The following KCNT2 variants were observed in gnomAD, a reference collection of about 807,000 sequenced individuals.
KCNT2 encodes the protein potassium sodium-activated channel subfamily T member 2.
KCNT2 carries 67 observed loss-of-function variants against 153.8 expected under a neutral mutation model. The ratio of observed to expected loss-of-function variants is 0.44; its 90% CI spans 0.36 to 0.53. The LOEUF (loss-of-function observed/expected upper bound fraction) is 0.53, where lower values mean the gene tolerates loss of function less well. Among genes scored for constraint, KCNT2 ranks in the 20% least tolerant of loss-of-function variants. The probability of loss-of-function intolerance (pLI) is 0.00; values close to 1 mark genes in which losing one functional copy is unlikely to be tolerated. For synonymous variants in KCNT2, 500 were observed against 458.8 expected (o/e 1.09, Z -1.15); for missense variants, 975 against 1,354.8 (o/e 0.72, Z 4.40).
chr1:196,273,134 T>A (rs1237509943), intron 25 of KCNT2, among the ~76,000 whole-genome samples: 1 of 151,826 alleles, frequency 6.6e-6, no homozygotes, highest in African/African-American at 2.4e-5. Context: ...TCTAAAAAGT[T>A]GAAAAGCAAA....
At chr1:196,315,497 C>T (rs1404333067) in intron 21 of KCNT2, among the ~76,000 whole-genome samples, 1 of 151,652 alleles carries the variant, frequency 6.6e-6, no homozygotes. Flanking sequence ...CTTACCTGTT[C>T]ACAGCTGTGC....
intron 24 of KCNT2, 51 bp from the exon 25 acceptor site, chr1:196,281,039 C>A (rs1395475250): frequency 7.2e-7 from 1 of 1,390,344 alleles, no homozygotes; most frequent in East Asian, 2.3e-5. Flanking sequence ...AAATAAAAAC[C>A]TAGTGGTAAC....
chr1:196,238,805 A>T (rs1401821990), intron 26 of KCNT2, among the ~76,000 whole-genome samples: 2 of 152,034 alleles, frequency 1.3e-5, no homozygotes, highest in Non-Finnish European at 2.9e-5. Flanking sequence ...TGCTGTGTAC[A>T]TGTACCCGAG....
intron 26 of KCNT2, chr1:196,257,649 T>C: frequency 1.0e-6 from 1 of 961,078 alleles, no homozygotes; most frequent in Non-Finnish European, 1.2e-6. Context: ...CAATTATGGA[T>C]CATATATAGG....
At chr1:196,514,345 T>G (rs1298387683) in intron 1 of KCNT2, among the ~76,000 whole-genome samples, 1 of 152,188 alleles carries the variant, frequency 6.6e-6, no homozygotes. Flanking sequence ...TTTCTAATTT[T>G]CAGTCATCCC....
At chr1:196,386,010 C>T (rs1046656130) in intron 13 of KCNT2, among the ~76,000 whole-genome samples, 3 of 152,078 alleles carry the variant, frequency 2.0e-5, no homozygotes, top group Non-Finnish European at 2.9e-5. Flanking sequence ...GGCATTGTGA[C>T]TTTGCCTTGC....
At chr1:196,281,825 C>T (rs961529850) in intron 24 of KCNT2, among the ~76,000 whole-genome samples, 12 of 150,868 alleles carry the variant, frequency 8.0e-5, no homozygotes, top group South Asian at 2.1e-4. Context: ...GGCGCGATCT[C>T]GGCTCACTGC....
chr1:196,247,282 A>G (rs1655541232), intron 26 of KCNT2, among the ~76,000 whole-genome samples: 1 of 152,206 alleles, frequency 6.6e-6, no homozygotes, highest in South Asian at 2.1e-4. Flanking sequence ...CAGATATACA[A>G]AGCAAATATT....
chr1:196,336,493 C>T (rs891661879), intron 16 of KCNT2, among the ~76,000 whole-genome samples: 2 of 152,096 alleles, frequency 1.3e-5, no homozygotes, highest in Non-Finnish European at 2.9e-5. Context: ...ATCTATTATA[C>T]AAACCCTCAA....
At chr1:196,318,433 A>G (rs1237448283) in intron 20 of KCNT2, among the ~76,000 whole-genome samples, 1 of 151,766 alleles carries the variant, frequency 6.6e-6, no homozygotes, top group Non-Finnish European at 1.5e-5. Context: ...TTCTCTCACC[A>G]TAAATACTTG....
At chr1:196,590,981 G>T (rs1291181668) in intron 1 of KCNT2, among the ~76,000 whole-genome samples, 1 of 152,022 alleles carries the variant, frequency 6.6e-6, no homozygotes, top group Non-Finnish European at 1.5e-5. Flanking sequence ...ACAAAAATTA[G>T]CCAGGTATAG....
intron 1 of KCNT2, among the ~76,000 whole-genome samples, chr1:196,539,181 C>A (rs1046682045): frequency 1.3e-5 from 2 of 152,042 alleles, no homozygotes. Flanking sequence ...TAAATGAGTA[C>A]TATTTTACTT....
chr1:196,476,960 C>G (rs930297383), intron 5 of KCNT2, among the ~76,000 whole-genome samples: 1 of 152,008 alleles, frequency 6.6e-6, no homozygotes, highest in South Asian at 2.1e-4. Flanking sequence ...ACTCAATAGC[C>G]TTTTCTCAAG....
chr1:196,439,001 C>T (rs1674978553), intron 8 of KCNT2, among the ~76,000 whole-genome samples: 1 of 151,382 alleles, frequency 6.6e-6, no homozygotes, highest in African/African-American at 2.4e-5. Flanking sequence ...GTTAAGTATA[C>T]CTATTTTTTT....
intron 14 of KCNT2, among the ~76,000 whole-genome samples, chr1:196,345,284 A>G (rs1185924194): frequency 6.6e-6 from 1 of 152,200 alleles, no homozygotes; most frequent in South Asian, 2.1e-4. Context: ...AATAAAATGT[A>G]AATAGTGTGA....
intron 8 of KCNT2, among the ~76,000 whole-genome samples, chr1:196,451,088 A>T (rs1261203679): frequency 6.6e-6 from 1 of 151,700 alleles, no homozygotes; most frequent in Non-Finnish European, 1.5e-5. Flanking sequence ...ATTATCCCTA[A>T]GTTAAAAAAG....
intron 1 of KCNT2, among the ~76,000 whole-genome samples, chr1:196,553,403 C>T (rs1319168867): frequency 2.0e-5 from 3 of 150,808 alleles, no homozygotes; most frequent in Non-Finnish European, 4.5e-5. Flanking sequence ...CAAAATATTA[C>T]TCCCAGAAAG....
At chr1:196,315,255 GAA>G (rs1662593225) in intron 21 of KCNT2, among the ~76,000 whole-genome samples, 1 of 151,596 alleles carries the variant, frequency 6.6e-6, no homozygotes, top group Non-Finnish European at 1.5e-5. Context: ...ATTTTAGGGA[GAA>G]TTGTTCCAAG....
intron 1 of KCNT2, among the ~76,000 whole-genome samples, chr1:196,520,632 G>C (rs953372509): frequency 6.6e-6 from 1 of 152,054 alleles, no homozygotes; most frequent in Non-Finnish European, 1.5e-5. Context: ...AGAGAACCCA[G>C]AAATAATGGT....
Sources: gnomAD v4.1 joint callset for allele counts (sites outside exome capture counted in the v4.1 genomes callset) on GRCh38, gnomAD v4.1.1 for gene constraint, MANE v1.5 for transcripts, NCBI Gene and HGNC (gene_info 2026-07-23, HGNC 2026-07-21) for gene names.